The following MOSMO variants were observed in gnomAD, a reference collection of about 807,000 sequenced individuals.
MOSMO encodes modulator of smoothened protein.
In MOSMO, 5 loss-of-function variants were observed where a neutral mutation model predicts 18.4. That is an observed-to-expected ratio of 0.27 (90% confidence interval 0.14 to 0.57). The LOEUF is 0.57. MOSMO is among the 20% of genes least tolerant of loss of function. The pLI is 0.92. For synonymous variants in MOSMO, 82 were observed against 82.3 expected (o/e 1.00, Z 0.02); for missense variants, 138 against 211.8 (o/e 0.65, Z 2.16).
At chr16:22,078,675 A>C (rs1008623947) in intron 2 of MOSMO, among the ~76,000 whole-genome samples, 3 of 152,226 alleles carry the variant, frequency 2.0e-5, no homozygotes, top group Non-Finnish European at 4.4e-5. Context: ...ATTAAGAAAA[A>C]AATTGTTTTA....
At chr16:22,031,611 A>C (rs1899995625) in intron 1 of MOSMO, among the ~76,000 whole-genome samples, 1 of 152,266 alleles carries the variant, frequency 6.6e-6, no homozygotes. Context: ...AAAGGAAATG[A>C]TAACGTGGTC....
At chr16:22,076,022 G>A in intron 2 of MOSMO, 1 of 251,500 alleles carries the variant, frequency 4.0e-6, no homozygotes, top group Non-Finnish European at 7.9e-6. Flanking sequence ...TGAAGCTATT[G>A]GTATCATCTA....
At chr16:22,087,989 A>T (rs1441868962), downstream of MOSMO, among the ~76,000 whole-genome samples, 1 of 152,072 alleles carries the variant, frequency 6.6e-6, no homozygotes, top group Non-Finnish European at 1.5e-5. Flanking sequence ...CAGACATTTT[A>T]CTGATCAGTT....
chr16:22,076,377 C>T (rs1190247309), intron 2 of MOSMO: 2 of 152,290 alleles, frequency 1.3e-5, no homozygotes, highest in East Asian at 3.8e-4. Flanking sequence ...AGCAATTTTG[C>T]ACCCCAGGGG....
At chr16:22,031,330 A>G (rs1360347913) in intron 1 of MOSMO, among the ~76,000 whole-genome samples, 1 of 152,218 alleles carries the variant, frequency 6.6e-6, no homozygotes, top group Non-Finnish European at 1.5e-5. Context: ...GAAGAGCTAT[A>G]ATGAAATATA....
Position 22,083,933 on chromosome 16 carries a change from A to G in MOSMO, c.*3053A>G, listed in dbSNP as rs1431079217. ...TTTCTGACTCTTCCACCTCTTATAAACCTATTTTCTGTTTCATTTGTTTTG... is the reference window on the plus strand; with the variant it reads ...TTTCTGACTCTTCCACCTCTTATAAGCCTATTTTCTGTTTCATTTGTTTTG... On this transcript the variant is annotated 3_prime_UTR_variant, in exon 3 of 3. Transcript: ENST00000542527. The G allele has an allele frequency of 3.6e-6, 1 of 278,558 alleles. No individual in the cohort carries two copies. The highest frequency in any genetic ancestry group is 6.9e-6 in the Non-Finnish European group (1 of 144,720). The allele number at this position is 278,558 out of a possible 1,614,324, so 17.3% of individuals were successfully genotyped here.
rs1274625341 is a variant in MOSMO at position 22,008,284 on chromosome 16, G to A, written c.-18G>A. ...TGCCTGTCCGGGGCTCGGGGGGTGG[G>A]GGGAGCGGGGCGGGGAGATGGATAA... On this transcript the variant is annotated 5_prime_UTR_variant, in exon 1 of 3. Transcript: ENST00000542527. 3 of 1,485,046 alleles carry A rather than the reference G, an allele frequency of 2.0e-6. No individual in the cohort carries two copies. Among genetic ancestry groups the A allele is most frequent in the South Asian group, 1.2e-5 (1 of 81,628 alleles). 92.0% of individuals were successfully genotyped at this position (1,485,046 alleles called of 1,614,324 possible).
At position 22,014,429 on chromosome 16, in the gene MOSMO, C is replaced by T. The variant is rs114953446; in HGVS notation, c.106+6022C>T. Among the ~76,000 whole-genome samples, 372 of 152,198 alleles carry T rather than the reference C, an allele frequency of 2.4e-3. 2 individuals are homozygous for T. Among genetic ancestry groups the T allele is most frequent in the African/African-American group, 8.7e-3 (362 of 41,524 alleles). On this transcript the variant is annotated intron_variant, in intron 1 of 2. Coordinates refer to ENST00000542527, the MANE Select transcript of MOSMO (RefSeq NM_001164579.2). Reference sequence around the variant, plus strand: ...TCAGGTCTAAAGATTGGCAGGTGTTCAGGGAAGTGAAAGCCTTGGTGAGGG... The same window carrying T: ...TCAGGTCTAAAGATTGGCAGGTGTTTAGGGAAGTGAAAGCCTTGGTGAGGG...
chr16:22,028,933 G>A (rs1899937440), intron 1 of MOSMO, among the ~76,000 whole-genome samples: 1 of 152,098 alleles, frequency 6.6e-6, no homozygotes, highest in Admixed American at 6.6e-5. Flanking sequence ...GTACAATGGT[G>A]CAGTCTTGGT....
intron 1 of MOSMO, among the ~76,000 whole-genome samples, chr16:22,060,244 AT>A (rs1418913604): frequency 6.6e-6 from 1 of 152,210 alleles, no homozygotes; most frequent in Non-Finnish European, 1.5e-5. Flanking sequence ...TGCTAAGAAA[AT>A]TTAAAAGCAA....
intron 2 of MOSMO, among the ~76,000 whole-genome samples, chr16:22,076,655 G>T (rs1490782237): frequency 6.6e-6 from 1 of 152,124 alleles, no homozygotes; most frequent in Non-Finnish European, 1.5e-5. Context: ...AAATATAACA[G>T]CTGACTTTCT....
At chr16:22,090,629 C>A (rs1195046972), downstream of MOSMO, among the ~76,000 whole-genome samples, 1 of 152,168 alleles carries the variant, frequency 6.6e-6, no homozygotes, top group East Asian at 1.9e-4. Context: ...AAATATATAT[C>A]CCACCATATT....
At chr16:22,059,206 C>T (rs909996422) in intron 1 of MOSMO, among the ~76,000 whole-genome samples, 2 of 152,110 alleles carry the variant, frequency 1.3e-5, no homozygotes, top group Non-Finnish European at 2.9e-5. Context: ...CTGGGTTAAA[C>T]AGTTTTGTCT....
intron 1 of MOSMO, among the ~76,000 whole-genome samples, chr16:22,055,535 A>G (rs1032096362): frequency 2.0e-5 from 3 of 152,224 alleles, no homozygotes; most frequent in Admixed American, 2.0e-4. Flanking sequence ...TATTTTTCCT[A>G]CTACCCTTGC....
At chr16:22,092,549 T>G in the MOSMO span, 19 of 1,514,348 alleles carry the variant, frequency 1.3e-5, no homozygotes, top group Non-Finnish European at 1.6e-5. Flanking sequence ...CTGAGTTGCT[T>G]GGAGGAGCTT....
downstream of MOSMO, among the ~76,000 whole-genome samples, chr16:22,088,617 TAGAGAAGGAAACTAAC>T (rs1212749759): frequency 6.6e-6 from 1 of 152,218 alleles, no homozygotes; most frequent in Non-Finnish European, 1.5e-5. Context: ...TCTCTACGTT[TAGAGAAGGAAACTAAC>T]AGTAAATTCA....
At chr16:22,015,415 A>G (rs1899617813) in intron 1 of MOSMO, among the ~76,000 whole-genome samples, 1 of 152,122 alleles carries the variant, frequency 6.6e-6, no homozygotes, top group Admixed American at 6.5e-5. Context: ...ATTCCATTAT[A>G]TGGATAGACC....
chr16:22,069,075 G>A (rs1900799103), intron 1 of MOSMO, among the ~76,000 whole-genome samples: 1 of 152,154 alleles, frequency 6.6e-6, no homozygotes, highest in Non-Finnish European at 1.5e-5. Context: ...TTCAGGTTCA[G>A]TAAGGAGATA....
chr16:22,073,765 GGTGTGTGGCATA>G (rs1403671543), intron 1 of MOSMO, among the ~76,000 whole-genome samples: 1 of 151,346 alleles, frequency 6.6e-6, no homozygotes, highest in East Asian at 1.9e-4. Flanking sequence ...AGTAGAAGGT[GGTGTGTGGCATA>G]GTGTGTGGCA....
Sources: gnomAD v4.1 joint callset for allele counts (sites outside exome capture counted in the v4.1 genomes callset) on GRCh38, gnomAD v4.1.1 for gene constraint, MANE v1.5 for transcripts, NCBI Gene and HGNC (gene_info 2026-07-23, HGNC 2026-07-21) for gene names.